APBB2: variants seen among roughly 807,000 people sequenced by gnomAD.
APBB2 encodes amyloid beta precursor protein binding family B member 2.
A neutral mutation model predicts 82.5 loss-of-function variants in APBB2; 38 were observed. That is an observed-to-expected ratio of 0.46 (90% CI 0.36 to 0.60). The LOEUF (loss-of-function observed/expected upper bound fraction) is 0.60. APBB2 is among the 20% of genes least tolerant of loss of function. The probability of loss-of-function intolerance (pLI) is 0.00; values close to 1 mark genes in which losing one functional copy is unlikely to be tolerated. For synonymous variants in APBB2, 341 were observed against 368.2 expected, an observed-to-expected ratio of 0.93 and a Z score of 0.85; for missense variants, 772 against 972.3, an observed-to-expected ratio of 0.79 and a Z score of 2.74.
chr4:40,852,656 T>TC (rs1759855696), intron 12 of APBB2, among the ~76,000 whole-genome samples: 1 of 152,000 alleles, frequency 6.6e-6, no homozygotes, highest in Non-Finnish European at 1.5e-5. Flanking sequence ...TTTTTTTTTT[T>TC]CTGAGACAGT....
At chr4:41,070,364 C>T (rs1222645856) in intron 3 of APBB2, among the ~76,000 whole-genome samples, 1 of 151,962 alleles carries the variant, frequency 6.6e-6, no homozygotes, top group Non-Finnish European at 1.5e-5. Context: ...GACTGGAGTG[C>T]GGTGGTGAGA....
At chr4:40,886,388 A>G (rs1186582895) in intron 12 of APBB2, among the ~76,000 whole-genome samples, 6 of 152,152 alleles carry the variant, frequency 3.9e-5, no homozygotes, top group South Asian at 4.1e-4. Context: ...GCTGAGGCAG[A>G]AGAACCGCTT....
intron 2 of APBB2, among the ~76,000 whole-genome samples, chr4:41,101,043 A>C (rs1045824789): frequency 2.8e-4 from 43 of 152,234 alleles, no homozygotes; most frequent in African/African-American, 8.4e-4. Flanking sequence ...AGTCACAAAA[A>C]GGAACCGAGG....
intron 6 of APBB2, among the ~76,000 whole-genome samples, chr4:40,959,919 C>G (rs1345863386): frequency 6.6e-6 from 1 of 152,090 alleles, no homozygotes; most frequent in East Asian, 1.9e-4. Context: ...ACTAAAGAAA[C>G]AGATTTCAGC....
At chr4:40,854,790 C>CAAAAAAAAA (rs80240731) in intron 12 of APBB2, among the ~76,000 whole-genome samples, 48 of 124,814 alleles carry the variant, frequency 3.8e-4, no homozygotes, top group African/African-American at 1.5e-3. Flanking sequence ...AGTCCATCTC[C>CAAAAAAAAA]AAAAAAAAAA....
intron 1 of APBB2, among the ~76,000 whole-genome samples, chr4:41,166,208 C>A (rs1250098294): frequency 6.6e-6 from 1 of 151,988 alleles, no homozygotes; most frequent in East Asian, 1.9e-4. Flanking sequence ...AGCAAGAAGC[C>A]TGTAGTTCTT....
chr4:40,914,514 T>G (rs1354187986), intron 10 of APBB2, among the ~76,000 whole-genome samples: 1 of 152,208 alleles, frequency 6.6e-6, no homozygotes, highest in Non-Finnish European at 1.5e-5. Flanking sequence ...ATCGCGCCAT[T>G]GCACTCCAGC....
chr4:40,837,309 G>A (rs1351577925), intron 12 of APBB2, among the ~76,000 whole-genome samples: 11 of 152,230 alleles, frequency 7.2e-5, no homozygotes, highest in East Asian at 1.9e-4. Context: ...CACCTTTGAG[G>A]AGCCTTCAGG....
intron 1 of APBB2, among the ~76,000 whole-genome samples, chr4:41,162,503 T>C (rs1307845832): frequency 6.6e-6 from 1 of 152,192 alleles, no homozygotes; most frequent in Non-Finnish European, 1.5e-5. Context: ...ATATGCATTC[T>C]TTCTCTCTCT....
At chr4:40,910,826 A>G (rs886564187) in intron 10 of APBB2, among the ~76,000 whole-genome samples, 6 of 152,262 alleles carry the variant, frequency 3.9e-5, no homozygotes, top group Non-Finnish European at 5.9e-5. Flanking sequence ...CATCGTCCTT[A>G]GTTTCCTCAT....
intron 1 of APBB2, among the ~76,000 whole-genome samples, chr4:41,173,087 A>G (rs1768776201): frequency 6.6e-6 from 1 of 152,192 alleles, no homozygotes; most frequent in Non-Finnish European, 1.5e-5. Context: ...TTTCTCCAAC[A>G]CCAAAGACTC....
chr4:40,891,926 G>A (rs1206688282), intron 11 of APBB2, among the ~76,000 whole-genome samples: 1 of 151,798 alleles, frequency 6.6e-6, no homozygotes, highest in Non-Finnish European at 1.5e-5. Flanking sequence ...AGAATTTGGT[G>A]GGAAACATAG....
intron 10 of APBB2, among the ~76,000 whole-genome samples, chr4:40,900,616 C>T (rs1188610371): frequency 6.6e-5 from 10 of 152,020 alleles, no homozygotes; most frequent in Non-Finnish European, 1.5e-5. Flanking sequence ...CCACCACGCT[C>T]ACCTAATTTT....
intron 2 of APBB2, among the ~76,000 whole-genome samples, chr4:41,126,089 G>A (rs955357261): frequency 6.6e-6 from 1 of 152,088 alleles, no homozygotes; most frequent in African/African-American, 2.4e-5. Context: ...CAACAAAAAT[G>A]ATCAGAAAGG....
At chr4:40,932,315 C>T (rs1259620684) in intron 10 of APBB2, among the ~76,000 whole-genome samples, 1 of 152,206 alleles carries the variant, frequency 6.6e-6, no homozygotes, top group Non-Finnish European at 1.5e-5. Flanking sequence ...TCTTTAAAGA[C>T]CAGCAATGTT....
intron 17 of APBB2, among the ~76,000 whole-genome samples, chr4:40,818,669 G>C (rs966581110): frequency 6.6e-6 from 1 of 152,102 alleles, no homozygotes; most frequent in Non-Finnish European, 1.5e-5. Flanking sequence ...CCCTGCTCCT[G>C]CATATTCAGG....
At chr4:41,142,599 T>C (rs1321442874) in intron 2 of APBB2, among the ~76,000 whole-genome samples, 1 of 152,218 alleles carries the variant, frequency 6.6e-6, no homozygotes, top group Non-Finnish European at 1.5e-5. Flanking sequence ...TGCAAGTCTT[T>C]GAAACTACAA....
At chr4:40,988,308 T>C (rs368091020) in intron 6 of APBB2, among the ~76,000 whole-genome samples, 27 of 152,332 alleles carry the variant, frequency 1.8e-4, no homozygotes, top group African/African-American at 6.5e-4. Flanking sequence ...TAAAGTTTAC[T>C]ACTTCCCAAC....
At chr4:41,169,297 C>T (rs1045124989) in intron 1 of APBB2, among the ~76,000 whole-genome samples, 2 of 151,158 alleles carry the variant, frequency 1.3e-5, no homozygotes, top group Admixed American at 1.3e-4. Flanking sequence ...AAGTACAACA[C>T]AGGCAAAGGT....
Sources: gnomAD v4.1 joint callset for allele counts (sites outside exome capture counted in the v4.1 genomes callset) on GRCh38, gnomAD v4.1.1 for gene constraint, MANE v1.5 for transcripts, NCBI Gene and HGNC (gene_info 2026-07-23, HGNC 2026-07-21) for gene names.